PTPRM: variants seen among roughly 807,000 people sequenced by gnomAD.
The protein encoded by PTPRM is protein tyrosine phosphatase receptor type M.
A neutral mutation model predicts 186.7 loss-of-function variants in PTPRM; 47 were observed. The ratio of observed to expected loss-of-function variants is 0.25; its 90% CI spans 0.20 to 0.32. The LOEUF (loss-of-function observed/expected upper bound fraction) is 0.32, where lower values mean the gene tolerates loss of function less well. PTPRM is among the 10% of genes least tolerant of loss of function. PTPRM has a pLI of 1.00. For missense variants in PTPRM, 1,494 were observed against 1,865.0 expected, an observed-to-expected ratio of 0.80 and a Z score of 3.66; for synonymous variants, 668 against 674.9, an observed-to-expected ratio of 0.99 and a Z score of 0.16.
chr18:8,121,367 C>G (rs1331824650), intron 13 of PTPRM, among the ~76,000 whole-genome samples: 1 of 152,106 alleles, frequency 6.6e-6, no homozygotes, highest in East Asian at 1.9e-4. Flanking sequence ...TCATGTAAGC[C>G]TGTCCTTAAT....
intron 7 of PTPRM, among the ~76,000 whole-genome samples, chr18:7,975,917 TCC>T (rs1191865554): frequency 6.6e-6 from 1 of 152,216 alleles, no homozygotes; most frequent in Non-Finnish European, 1.5e-5. Context: ...ACACTTGTAA[TCC>T]CAGCACTTTG....
At chr18:8,198,531 G>T (rs767476098) in intron 14 of PTPRM, among the ~76,000 whole-genome samples, 2 of 152,054 alleles carry the variant, frequency 1.3e-5, no homozygotes, top group Non-Finnish European at 2.9e-5. Flanking sequence ...CCATACCTCC[G>T]TATTTCTAAG....
intron 7 of PTPRM, among the ~76,000 whole-genome samples, chr18:8,042,474 TAAAAG>T (rs1218153108): frequency 6.6e-6 from 1 of 152,194 alleles, no homozygotes; most frequent in Non-Finnish European, 1.5e-5. Context: ...TGAAGAATCT[TAAAAG>T]AAAAACAAAA....
intron 14 of PTPRM, among the ~76,000 whole-genome samples, chr18:8,171,587 T>C (rs1028259330): frequency 2.0e-5 from 3 of 152,184 alleles, no homozygotes; most frequent in Non-Finnish European, 4.4e-5. Context: ...TGTTTCTATG[T>C]CCATGTCCTG....
In PTPRM at chr18:7,773,583, T is replaced by G. The variant is rs551418227; in HGVS notation, c.74-566T>G. Among the ~76,000 whole-genome samples the G allele has an allele frequency of 1.0e-3, 154 of 150,686 alleles. 1 individual carries two copies. Among genetic ancestry groups the G allele is most frequent in the African/African-American group, 3.5e-3 (145 of 41,224 alleles). Reference sequence around the variant, plus strand: ...TTTCTTTTCTTTGTTTTTTTTTTTTTTTTTTGTTTGTTTGTTTTTTGAGAC... The same window carrying G: ...TTTCTTTTCTTTGTTTTTTTTTTTTGTTTTTGTTTGTTTGTTTTTTGAGAC... On this transcript the variant is annotated intron_variant, in intron 1 of 32. Coordinates refer to ENST00000580170, the MANE Select transcript of PTPRM (RefSeq NM_001105244.2).
intron 7 of PTPRM, among the ~76,000 whole-genome samples, chr18:8,057,002 T>C (rs1007195902): frequency 6.6e-6 from 1 of 151,928 alleles, no homozygotes; most frequent in Admixed American, 6.6e-5. Context: ...ATTTTATTTA[T>C]TTAATGTAAT....
At chr18:7,598,202 A>G (rs1246478583) in intron 1 of PTPRM, among the ~76,000 whole-genome samples, 2 of 152,188 alleles carry the variant, frequency 1.3e-5, no homozygotes, top group Non-Finnish European at 2.9e-5. Flanking sequence ...AGAGCTCAGA[A>G]TTACCCAGGA....
chr18:7,636,298 T>C (rs1250423965), intron 1 of PTPRM, among the ~76,000 whole-genome samples: 1 of 152,162 alleles, frequency 6.6e-6, no homozygotes, highest in Non-Finnish European at 1.5e-5. Flanking sequence ...TAGCTTGCTT[T>C]TTATGGATGG....
At chr18:8,356,611 T>A (rs2095564548) in intron 23 of PTPRM, among the ~76,000 whole-genome samples, 1 of 152,106 alleles carries the variant, frequency 6.6e-6, no homozygotes, top group Admixed American at 6.5e-5. Context: ...AAGTAGCTAT[T>A]TTAGGGATGC....
intron 32 of PTPRM, among the ~76,000 whole-genome samples, chr18:8,395,129 A>G (rs903986299): frequency 1.3e-5 from 2 of 152,182 alleles, no homozygotes; most frequent in African/African-American, 4.8e-5. Context: ...AGAGTATTTT[A>G]TGAAATCTCT....
At chr18:8,379,644 G>A (rs1174868939) in intron 28 of PTPRM, among the ~76,000 whole-genome samples, 11 of 152,240 alleles carry the variant, frequency 7.2e-5, no homozygotes, top group Non-Finnish European at 1.0e-4. Flanking sequence ...AGGAAAATGG[G>A]TTAATAGATT....
Position 7,774,142 on chromosome 18 carries a change from AT to A in PTPRM, c.74-3del. The A allele has an allele frequency of 6.2e-7, 1 of 1,603,976 alleles. No individual in the cohort carries two copies. The highest frequency in any genetic ancestry group is 8.5e-7 in the Non-Finnish European group (1 of 1,171,792). ...TTTACATTACTTTTTATTCTTTTAC[AT>A]TTTAGGTGGCTGCCTCTTTGATGAG... On this transcript the variant is annotated splice_polypyrimidine_tract_variant and splice_region_variant and intron_variant, in intron 1 of 32. Transcript: ENST00000580170.
chr18:7,744,120 A>G (rs1258888204), intron 1 of PTPRM, among the ~76,000 whole-genome samples: 2 of 152,228 alleles, frequency 1.3e-5, no homozygotes, highest in Non-Finnish European at 2.9e-5. Flanking sequence ...AAAACTAAGT[A>G]AAATCAGGTT....
chr18:8,395,906 A>G (rs1419291803), intron 32 of PTPRM, among the ~76,000 whole-genome samples: 2 of 152,264 alleles, frequency 1.3e-5, no homozygotes, highest in African/African-American at 4.8e-5. Flanking sequence ...TAGGGATACC[A>G]TGAGCTCACT....
chr18:7,851,272 G>T (rs9961072), intron 2 of PTPRM, among the ~76,000 whole-genome samples: 3,892 of 152,244 alleles, frequency 0.026, 169 homozygotes, highest in African/African-American at 0.088. Context: ...AAGTCAAAAG[G>T]CAGAGGAATT....
intron 1 of PTPRM, among the ~76,000 whole-genome samples, chr18:7,634,923 A>G (rs141716447): frequency 4.4e-4 from 67 of 152,316 alleles, no homozygotes; most frequent in African/African-American, 1.4e-3. Context: ...TTTTCATATT[A>G]AATGTCCCTA....
chr18:7,662,139 T>A (rs182033149), intron 1 of PTPRM, among the ~76,000 whole-genome samples: 1 of 152,324 alleles, frequency 6.6e-6, no homozygotes, highest in African/African-American at 2.4e-5. Context: ...TTTCTTCATG[T>A]TGCCCAGGCT....
chr18:7,575,741 A>T (rs369694999), intron 1 of PTPRM, among the ~76,000 whole-genome samples: 16 of 152,290 alleles, frequency 1.1e-4, no homozygotes, highest in East Asian at 3.9e-4. Context: ...TCTTTAGGAC[A>T]TGGCTTGTCT....
At chr18:7,744,005 A>G (rs1216541251) in intron 1 of PTPRM, among the ~76,000 whole-genome samples, 1 of 152,190 alleles carries the variant, frequency 6.6e-6, no homozygotes, top group Non-Finnish European at 1.5e-5. Flanking sequence ...TTAGTGGGAA[A>G]GCATCACACG....
Sources: allele counts gnomAD v4.1 joint callset (sites outside exome capture counted in the v4.1 genomes callset), GRCh38; gene constraint gnomAD v4.1.1; transcripts MANE v1.5; gene names NCBI Gene and HGNC (gene_info 2026-07-23, HGNC 2026-07-21).